The following NKAIN2 variants were observed in gnomAD, a reference collection of about 807,000 sequenced individuals.
The protein encoded by NKAIN2 is sodium/potassium transporting ATPase interacting 2, also known as sodium/potassium-transporting ATPase subunit beta-1-interacting protein 2.
In NKAIN2, 14 loss-of-function variants were observed where a neutral mutation model predicts 32.6. That is an observed-to-expected ratio of 0.43 (90% CI 0.28 to 0.67). NKAIN2 has a LOEUF of 0.67. Ranked by LOEUF, NKAIN2 falls within the 30% of genes least tolerant of loss-of-function variation. The pLI is 0.17. For missense variants in NKAIN2, 198 were observed against 258.3 expected (o/e 0.77, Z 1.60); for synonymous variants, 80 against 87.2 (o/e 0.92, Z 0.46).
chr6:124,682,553 T>C (rs1265688049), intron 4 of NKAIN2, among the ~76,000 whole-genome samples: 2 of 152,192 alleles, frequency 1.3e-5, no homozygotes, highest in Non-Finnish European at 2.9e-5. Context: ...TTTAACTCAG[T>C]ATTAAGTCTC....
intron 1 of NKAIN2, among the ~76,000 whole-genome samples, chr6:124,146,743 C>G (rs1787428546): frequency 6.6e-6 from 1 of 152,058 alleles, no homozygotes; most frequent in Non-Finnish European, 1.5e-5. Context: ...ACCACAAACA[C>G]AAATCACAAA....
At chr6:124,270,154 A>G (rs888906812) in intron 1 of NKAIN2, among the ~76,000 whole-genome samples, 2 of 152,160 alleles carry the variant, frequency 1.3e-5, no homozygotes, top group African/African-American at 4.8e-5. Context: ...CTGCAATCCT[A>G]TTAAATATAG....
chr6:124,386,519 A>G (rs1000937588), intron 3 of NKAIN2, among the ~76,000 whole-genome samples: 2 of 152,126 alleles, frequency 1.3e-5, no homozygotes, highest in Non-Finnish European at 2.9e-5. Context: ...ATACTTCAGG[A>G]TCTTCATTCC....
intron 5 of NKAIN2, among the ~76,000 whole-genome samples, chr6:124,815,264 G>A (rs370213050): frequency 6.1e-4 from 67 of 109,156 alleles, no homozygotes; most frequent in Non-Finnish European, 1.1e-3. Context: ...ATATATATGT[G>A]TATATATATG....
chr6:124,566,494 G>GATTC (rs1780917639), intron 3 of NKAIN2, among the ~76,000 whole-genome samples: 1 of 152,144 alleles, frequency 6.6e-6, no homozygotes, highest in South Asian at 2.1e-4. Flanking sequence ...TCCTCTTTTA[G>GATTC]ATTCCATGAA....
chr6:124,254,922 T>A (rs1793855271), intron 1 of NKAIN2, among the ~76,000 whole-genome samples: 1 of 152,196 alleles, frequency 6.6e-6, no homozygotes, highest in South Asian at 2.1e-4. Flanking sequence ...TTTATCGTGC[T>A]TAATAGCCTT....
intron 1 of NKAIN2, among the ~76,000 whole-genome samples, chr6:124,014,007 G>A (rs1313953304): frequency 6.6e-6 from 1 of 152,136 alleles, no homozygotes; most frequent in Non-Finnish European, 1.5e-5. Flanking sequence ...AGAACTATAG[G>A]ATAATAAACT....
chr6:124,419,496 CACTT>C (rs1010613609), intron 3 of NKAIN2, among the ~76,000 whole-genome samples: 1 of 152,146 alleles, frequency 6.6e-6, no homozygotes, highest in Non-Finnish European at 1.5e-5. Flanking sequence ...ACATTGCAGA[CACTT>C]AGTTACCTAA....
chr6:124,797,081 A>G (rs529202258), intron 5 of NKAIN2, among the ~76,000 whole-genome samples: 32 of 150,576 alleles, frequency 2.1e-4, no homozygotes, highest in Admixed American at 1.3e-3. Flanking sequence ...AGAATCAGGA[A>G]CTGTCCTCAG....
chr6:123,928,870 A>G (rs1363888722), intron 1 of NKAIN2, among the ~76,000 whole-genome samples: 1 of 152,192 alleles, frequency 6.6e-6, no homozygotes, highest in African/African-American at 2.4e-5. Context: ...ATTTCTATCA[A>G]TATTATAATG....
At chr6:123,852,097 A>C (rs1338703445) in intron 1 of NKAIN2, among the ~76,000 whole-genome samples, 2 of 152,174 alleles carry the variant, frequency 1.3e-5, no homozygotes, top group African/African-American at 2.4e-5. Flanking sequence ...TTTACACTGA[A>C]GTTTTTACCT....
chr6:124,411,720 T>C (rs1174216722), intron 3 of NKAIN2, among the ~76,000 whole-genome samples: 1 of 152,330 alleles, frequency 6.6e-6, no homozygotes, highest in South Asian at 2.1e-4. Flanking sequence ...TGAATTTGAA[T>C]TTTGGCCTGC....
At chr6:124,375,385 A>G (rs948131586) in intron 3 of NKAIN2, among the ~76,000 whole-genome samples, 1 of 147,822 alleles carries the variant, frequency 6.8e-6, no homozygotes, top group Non-Finnish European at 1.5e-5. Flanking sequence ...CACTATATAT[A>G]TATATATGTA....
chr6:123,946,468 A>G (rs867528726), intron 1 of NKAIN2, among the ~76,000 whole-genome samples: 2 of 152,124 alleles, frequency 1.3e-5, no homozygotes, highest in South Asian at 4.1e-4. Context: ...TGAAATTATC[A>G]CCATGGAAAT....
At chr6:124,751,383 G>A (rs796806385) in intron 4 of NKAIN2, among the ~76,000 whole-genome samples, 1 of 151,966 alleles carries the variant, frequency 6.6e-6, no homozygotes, top group African/African-American at 2.4e-5. Context: ...GAAAAGGGGT[G>A]TTAGGAGCCT....
chr6:123,877,771 C>T (rs55902602), intron 1 of NKAIN2, among the ~76,000 whole-genome samples: 15,126 of 152,198 alleles, frequency 0.099, 1,001 homozygotes, highest in Non-Finnish European at 0.14. Flanking sequence ...AACACATAAT[C>T]AAATTATGTA....
intron 4 of NKAIN2, among the ~76,000 whole-genome samples, chr6:124,729,360 A>G (rs1210881465): frequency 4.1e-4 from 61 of 149,366 alleles, no homozygotes; most frequent in African/African-American, 1.4e-3. Context: ...CTTATCCACC[A>G]TGATCAAGTG....
chr6:124,346,152 G>T (rs1383390143), intron 2 of NKAIN2, among the ~76,000 whole-genome samples: 2 of 152,136 alleles, frequency 1.3e-5, no homozygotes, highest in South Asian at 2.1e-4. Flanking sequence ...TTTTGAGTGA[G>T]TTTCTTAATC....
chr6:124,349,328 C>A (rs1310736234), intron 2 of NKAIN2, among the ~76,000 whole-genome samples: 1 of 152,090 alleles, frequency 6.6e-6, no homozygotes, highest in Non-Finnish European at 1.5e-5. Flanking sequence ...CGAGGCTCCA[C>A]CCCATTCTCC....
Sources: allele counts gnomAD v4.1 joint callset (sites outside exome capture counted in the v4.1 genomes callset), GRCh38; gene constraint gnomAD v4.1.1; transcripts MANE v1.5; gene names NCBI Gene and HGNC (gene_info 2026-07-23, HGNC 2026-07-21).